The following ARHGAP44 variants were observed in gnomAD, a reference collection of about 807,000 sequenced individuals.
ARHGAP44 encodes the protein Rho GTPase activating protein 44.
Under a neutral mutation model 106.8 loss-of-function variants are expected in ARHGAP44, and 43 were observed. That is an observed-to-expected ratio of 0.40 (90% CI 0.32 to 0.52). The LOEUF (loss-of-function observed/expected upper bound fraction) is 0.52, where lower values mean the gene tolerates loss of function less well. Among genes scored for constraint, ARHGAP44 ranks in the 20% least tolerant of loss-of-function variants. The probability of loss-of-function intolerance (pLI) is 0.48; values close to 1 mark genes in which losing one functional copy is unlikely to be tolerated. For synonymous variants in ARHGAP44, 439 were observed against 410.3 expected, an observed-to-expected ratio of 1.07 and a Z score of -0.85; for missense variants, 866 against 1,050.5, an observed-to-expected ratio of 0.82 and a Z score of 2.43.
intron 1 of ARHGAP44, among the ~76,000 whole-genome samples, chr17:12,833,981 G>A (rs2035163938): frequency 6.6e-6 from 1 of 151,436 alleles, no homozygotes; most frequent in Admixed American, 6.6e-5. Context: ...GACTTAAAGA[G>A]GCTGTTCTAT....
chr17:12,916,629 C>T (rs1298619680), intron 5 of ARHGAP44, among the ~76,000 whole-genome samples: 1 of 152,236 alleles, frequency 6.6e-6, no homozygotes, highest in Non-Finnish European at 1.5e-5. Context: ...AGGCGATCCA[C>T]CCGCCTTGGC....
Position 12,843,882 on chromosome 17 carries a change from C to G in ARHGAP44, c.54-51058C>G, listed in dbSNP as rs373647878. ...GTGTTGGCCAGGATGCTCTCAATCT[C>G]TTGACCTCAAGTGATCCACCCACCT... is the stretch of plus-strand genomic sequence containing the variant. On this transcript the variant is annotated intron_variant, in intron 1 of 20. Transcript: ENST00000379672. Among the ~76,000 whole-genome samples the G allele has an allele frequency of 9.9e-5, 15 of 152,012 alleles. No homozygotes were observed. In the South Asian group the frequency reaches 1.9e-3, roughly 19 times the overall value.
intron 16 of ARHGAP44, among the ~76,000 whole-genome samples, chr17:12,964,287 T>A (rs1555564450): frequency 7.8e-6 from 1 of 128,830 alleles, no homozygotes; most frequent in African/African-American, 2.5e-5. Flanking sequence ...GTCAAATCAA[T>A]TTTTTTTTCT....
intron 1 of ARHGAP44, among the ~76,000 whole-genome samples, chr17:12,874,342 G>A (rs1413862875): frequency 1.3e-5 from 2 of 152,152 alleles, no homozygotes; most frequent in Admixed American, 6.5e-5. Context: ...ACCCTCTGTC[G>A]TGGGAGGCAG....
intron 1 of ARHGAP44, among the ~76,000 whole-genome samples, chr17:12,833,851 A>C (rs2035158844): frequency 6.6e-6 from 1 of 152,202 alleles, no homozygotes; most frequent in Non-Finnish European, 1.5e-5. Context: ...TCTTATCAAT[A>C]GGAAAAAATG....
intron 1 of ARHGAP44, among the ~76,000 whole-genome samples, chr17:12,869,427 A>ATT (rs202148891): frequency 1.0e-4 from 3 of 28,576 alleles, no homozygotes; most frequent in African/African-American, 3.4e-4. Flanking sequence ...CTATTTTGTC[A>ATT]TTTTTAAATT....
intron 7 of ARHGAP44, among the ~76,000 whole-genome samples, chr17:12,929,819 C>T (rs1228805778): frequency 1.3e-5 from 2 of 152,186 alleles, no homozygotes; most frequent in African/African-American, 4.8e-5. Flanking sequence ...GGAACCTGTC[C>T]TAATCACATC....
At chr17:12,887,489 C>G (rs1402622982) in intron 1 of ARHGAP44, among the ~76,000 whole-genome samples, 1 of 152,170 alleles carries the variant, frequency 6.6e-6, no homozygotes, top group African/African-American at 2.4e-5. Context: ...GATCCTCCAC[C>G]TTGGCCTCCC....
chr17:12,851,828 G>A (rs1361614801), intron 1 of ARHGAP44, among the ~76,000 whole-genome samples: 1 of 152,050 alleles, frequency 6.6e-6, no homozygotes, highest in Non-Finnish European at 1.5e-5. Flanking sequence ...GAACGCTTTT[G>A]TGTTCATCTC....
intron 1 of ARHGAP44, among the ~76,000 whole-genome samples, chr17:12,860,873 TTTTTTTGA>T (rs2036052069): frequency 1.0e-5 from 1 of 96,628 alleles, no homozygotes; most frequent in African/African-American, 4.0e-5. Context: ...TTTTTTTTTT[TTTTTTTGA>T]GACAAGGTCT....
intron 3 of ARHGAP44, among the ~76,000 whole-genome samples, chr17:12,903,504 A>T (rs561498813): frequency 6.6e-6 from 1 of 152,108 alleles, no homozygotes; most frequent in Non-Finnish European, 1.5e-5. Flanking sequence ...GTCAGTGTGG[A>T]TCCTTGGTAC....
intron 7 of ARHGAP44, among the ~76,000 whole-genome samples, chr17:12,940,156 C>T (rs1203903301): frequency 1.3e-5 from 2 of 152,160 alleles, no homozygotes; most frequent in African/African-American, 2.4e-5. Context: ...GCCATGTTTG[C>T]CCCAACCTGA....
intron 15 of ARHGAP44, 51 bp downstream of exon 15, chr17:12,956,797 C>A: frequency 1.3e-6 from 2 of 1,540,554 alleles, no homozygotes; most frequent in East Asian, 2.3e-5. Flanking sequence ...ACAGGAGTAT[C>A]ACTGCGAGTT....
At chr17:12,935,570 A>T (rs1158168687) in intron 7 of ARHGAP44, among the ~76,000 whole-genome samples, 1 of 11,328 alleles carries the variant, frequency 8.8e-5, no homozygotes, top group African/African-American at 8.8e-4. Flanking sequence ...ACTCCATCTC[A>T]AAAAAAAAAA....
At chr17:12,802,643 G>T in intron 1 of ARHGAP44, among the ~76,000 whole-genome samples, 1 of 151,746 alleles carries the variant, frequency 6.6e-6, no homozygotes, top group African/African-American at 2.4e-5. Flanking sequence ...TTGTTGACCA[G>T]GCTCTTTAAT....
In ARHGAP44 at chr17:12,990,453, GA is replaced by G; in HGVS notation, c.*286del. 1 of 280,990 alleles carries G rather than the reference GA, an allele frequency of 3.6e-6. No homozygotes were observed. The highest frequency in any genetic ancestry group is 6.9e-6 in the Non-Finnish European group (1 of 143,900). The allele number at this position is 280,990 out of a possible 1,614,324, so 17.4% of individuals were successfully genotyped here. On this transcript the variant is annotated 3_prime_UTR_variant, in exon 21 of 21. Coordinates refer to ENST00000379672, the MANE Select transcript of ARHGAP44 (RefSeq NM_014859.6). ...TGATCCACTTTCAGCCTCCATGCCA[GA>G]AAACACCCACCTCTCCATCCAAGGC...
Position 12,929,001 on chromosome 17 carries a change from C to A in ARHGAP44, c.537C>A (p.Leu179=). 1 of 1,613,456 alleles carries A rather than the reference C, an allele frequency of 6.2e-7. No homozygotes were observed. Among genetic ancestry groups the A allele is most frequent in the South Asian group, 1.1e-5 (1 of 90,856 alleles). The change falls in exon 7 of 21, where the codon CTC becomes CTA. Residue 179 remains leucine, a synonymous_variant. Coordinates refer to ENST00000379672, the MANE Select transcript of ARHGAP44 (RefSeq NM_014859.6). ...CTGCGGGTGCCAAGGCTGATGCCCTCAGGGAAGAAATGGAAGAGGCTGCCA... is the reference window on the plus strand; with the variant it reads ...CTGCGGGTGCCAAGGCTGATGCCCTAAGGGAAGAAATGGAAGAGGCTGCCA... The part of the protein sequence containing the change: ...LQPAGAKADA[L]REEMEEAANR...
At chr17:12,986,761 G>A (rs2039970560) in intron 20 of ARHGAP44, 1 of 225,030 alleles carries the variant, frequency 4.4e-6, no homozygotes, top group Non-Finnish European at 8.6e-6. Flanking sequence ...GGAGAAATTG[G>A]GGAACAAAAG....
intron 6 of ARHGAP44, 147 bp from the exon 7 acceptor site, chr17:12,928,782 C>A: frequency 1.6e-6 from 1 of 608,462 alleles, no homozygotes; most frequent in Non-Finnish European, 2.8e-6. Context: ...CTTGCCTAGT[C>A]CTTGGTGCCT....
Sources: allele counts gnomAD v4.1 joint callset (sites outside exome capture counted in the v4.1 genomes callset), GRCh38; gene constraint gnomAD v4.1.1; transcripts MANE v1.5; gene names NCBI Gene and HGNC (gene_info 2026-07-23, HGNC 2026-07-21).